The following RYR2 variants were observed in gnomAD, a reference collection of about 807,000 sequenced individuals.
The protein encoded by RYR2 is ryanodine receptor 2.
A neutral mutation model predicts 601.1 loss-of-function variants in RYR2; 227 were observed. The observed-to-expected ratio is 0.38, with a 90% CI of 0.34 to 0.42. The LOEUF (loss-of-function observed/expected upper bound fraction) is 0.42, where lower values mean the gene tolerates loss of function less well. Among genes scored for constraint, RYR2 ranks in the 10% least tolerant of loss-of-function variants. The probability of loss-of-function intolerance (pLI) is 1.00; values close to 1 mark genes in which losing one functional copy is unlikely to be tolerated. For missense variants in RYR2, 4,646 were observed against 6,156.5 expected, an observed-to-expected ratio of 0.75 and a Z score of 8.21; for synonymous variants, 2,223 against 2,175.1, an observed-to-expected ratio of 1.02 and a Z score of -0.61.
chr1:237,757,873 AAT>A, intron 82 of RYR2, 97 bp downstream of exon 82: 2 of 755,726 alleles, frequency 2.6e-6, no homozygotes, highest in Non-Finnish European at 4.4e-6. Flanking sequence ...TTCTATGTAC[AAT>A]ATGGCTCAAT....
intron 10 of RYR2, among the ~76,000 whole-genome samples, chr1:237,394,868 T>TC (rs1702681264): frequency 6.6e-6 from 1 of 152,142 alleles, no homozygotes. Context: ...TTCTGCAGGC[T>TC]CTATAGGCTG....
At chr1:237,259,546 AAGAG>A (rs55758034) in intron 1 of RYR2, among the ~76,000 whole-genome samples, 1 of 143,832 alleles carries the variant, frequency 7.0e-6, no homozygotes, top group Non-Finnish European at 1.5e-5. Context: ...AAAAAAAAAA[AAGAG>A]AGACTACCGT....
rs886038386 is a variant in RYR2, at chr1:237,364,388, A to G, written c.309+16A>G. ...CATGATGAAGGTAAGACATCTTAAT[A>G]TATATGCTATGTATATATATAGCAG... is the stretch of plus-strand genomic sequence containing the variant. On this transcript the variant is annotated intron_variant, in intron 5 of 104. Coordinates refer to ENST00000366574, the MANE Select transcript of RYR2 (RefSeq NM_001035.3). 7.5e-6 allele frequency: 11 copies of G among 1,460,064 alleles called. No individual in the cohort carries two copies. The highest frequency in any genetic ancestry group is 7.2e-5 in the East Asian group (3 of 41,824). The allele number at this position is 1,460,064 out of a possible 1,614,324, so 90.4% of individuals were successfully genotyped here.
rs980536884 is a variant in RYR2 at position 237,610,740 on chromosome 1, T to C, written c.4684-22T>C. ...CAAGGGATGTTCTACATTTATTCTT[T>C]TTCTGCCTCCCCATCCGCTAGAATG... is the stretch of plus-strand genomic sequence containing the variant. On this transcript the variant is annotated intron_variant, in intron 35 of 104. Transcript: ENST00000366574. The surrounding 1 kb of genome is among the most constrained non-coding windows in gnomAD (Gnocchi z 4.9). 1 of 1,559,192 alleles carries C rather than the reference T, an allele frequency of 6.4e-7. No homozygotes were observed. The highest frequency in any genetic ancestry group is 8.7e-7 in the Non-Finnish European group (1 of 1,148,358).
intron 27 of RYR2, among the ~76,000 whole-genome samples, chr1:237,563,002 ACTC>A (rs1671607155): frequency 6.6e-6 from 1 of 152,046 alleles, no homozygotes; most frequent in Non-Finnish European, 1.5e-5. Flanking sequence ...TTTTTAAAAA[ACTC>A]CTACAAACCC....
intron 1 of RYR2, among the ~76,000 whole-genome samples, chr1:237,268,097 G>T (rs934905579): frequency 1.3e-5 from 2 of 152,126 alleles, no homozygotes; most frequent in Non-Finnish European, 2.9e-5. Context: ...TATATCTGTG[G>T]TTTTGTTTTT....
At chr1:237,374,652 G>T (rs1700883994) in intron 6 of RYR2, 65 bp from the exon 7 acceptor site, 1 of 1,358,784 alleles carries the variant, frequency 7.4e-7, no homozygotes, top group Non-Finnish European at 1.0e-6. Flanking sequence ...GAGCAACCTT[G>T]TCTCAAACAC....
intron 1 of RYR2, among the ~76,000 whole-genome samples, chr1:237,237,879 T>G (rs1285679566): frequency 7.1e-6 from 1 of 141,726 alleles, no homozygotes; most frequent in South Asian, 2.4e-4. Context: ...TCCTTTCCCC[T>G]CTCCTCCTCT....
At chr1:237,684,700 T>A (rs991556650) in intron 62 of RYR2, among the ~76,000 whole-genome samples, 20 of 151,988 alleles carry the variant, frequency 1.3e-4, no homozygotes, top group Non-Finnish European at 2.5e-4. Flanking sequence ...TCCAGCAGAT[T>A]GGAAATATTA....
chr1:237,687,780 C>T (rs958917997), intron 63 of RYR2, among the ~76,000 whole-genome samples: 8 of 152,176 alleles, frequency 5.3e-5, no homozygotes, highest in Admixed American at 1.3e-4. Context: ...CAGGCTGTGC[C>T]GTATTTTATC....
Position 237,345,303 on chromosome 1 carries a change from G to A in RYR2, c.274-10662G>A, listed in dbSNP as rs1164097724. Among the ~76,000 whole-genome samples, 9 of 152,014 alleles carry A rather than the reference G, an allele frequency of 5.9e-5. No homozygotes were observed. The South Asian group carries it at 1.0e-3, about 18-fold the overall frequency. ...TGTAAAAATTTTTCTGTATTCCTCT[G>A]TGTACCTGCCAGTTTTTCATAGTAT... On this transcript the variant is annotated intron_variant, in intron 3 of 104. Coordinates refer to ENST00000366574, the MANE Select transcript of RYR2 (RefSeq NM_001035.3).
At chr1:237,333,950 C>A (rs2149582545) in intron 3 of RYR2, among the ~76,000 whole-genome samples, 1 of 152,304 alleles carries the variant, frequency 6.6e-6, no homozygotes, top group African/African-American at 2.4e-5. Flanking sequence ...CTTTCATAAT[C>A]AACTTTCTTT....
chr1:237,212,124 T>C (rs1682651432), intron 1 of RYR2, among the ~76,000 whole-genome samples: 1 of 152,104 alleles, frequency 6.6e-6, no homozygotes, highest in South Asian at 2.1e-4. Context: ...ACAAAGAAAG[T>C]TCTTTGGAAA....
At chr1:237,354,382 A>G (rs1444264989) in intron 3 of RYR2, among the ~76,000 whole-genome samples, 2 of 151,996 alleles carry the variant, frequency 1.3e-5, no homozygotes, top group African/African-American at 4.8e-5. Context: ...AATGTCTGAC[A>G]TGCAGAAGTG....
intron 96 of RYR2, among the ~76,000 whole-genome samples, chr1:237,796,371 G>A (rs1196734065): frequency 6.6e-6 from 1 of 152,070 alleles, no homozygotes; most frequent in African/African-American, 2.4e-5. Flanking sequence ...TTCCCGCTAT[G>A]GTACCTAATT....
chr1:237,209,497 A>ATGTGTGTGTTTGTGTG, intron 1 of RYR2, among the ~76,000 whole-genome samples: 1 of 143,354 alleles, frequency 7.0e-6, no homozygotes, highest in Admixed American at 7.1e-5. Flanking sequence ...ATCTGCATAT[A>ATGTGTGTGTTTGTGTG]TGTGTGTGTG....
intron 29 of RYR2, among the ~76,000 whole-genome samples, chr1:237,577,370 T>C (rs1673339929): frequency 6.6e-6 from 1 of 152,172 alleles, no homozygotes; most frequent in Non-Finnish European, 1.5e-5. Flanking sequence ...TTACTTTACA[T>C]AGCAAAAGAG....
At chr1:237,137,339 C>G (rs1034605626) in intron 1 of RYR2, among the ~76,000 whole-genome samples, 2 of 152,132 alleles carry the variant, frequency 1.3e-5, no homozygotes, top group East Asian at 1.9e-4. Flanking sequence ...CTCTAGTTCT[C>G]TAGCTGGAAA....
intron 1 of RYR2, among the ~76,000 whole-genome samples, chr1:237,164,744 A>G (rs1395254492): frequency 6.6e-6 from 1 of 152,176 alleles, no homozygotes; most frequent in African/African-American, 2.4e-5. Context: ...TTCTTTAGTT[A>G]TGTTTATAAA....
Sources: allele counts gnomAD v4.1 joint callset (sites outside exome capture counted in the v4.1 genomes callset), GRCh38; gene constraint gnomAD v4.1.1; non-coding constraint Gnocchi (gnomAD v3.1); transcripts MANE v1.5; gene names NCBI Gene and HGNC (gene_info 2026-07-23, HGNC 2026-07-21).